The following RNF144A variants were observed in gnomAD, a reference collection of about 807,000 sequenced individuals.
RNF144A encodes E3 ubiquitin-protein ligase RNF144A.
RNF144A carries 11 observed loss-of-function variants against 38.7 expected under a neutral mutation model. The observed-to-expected ratio is 0.28, with a 90% CI of 0.18 to 0.47. RNF144A has a LOEUF of 0.47. Among genes scored for constraint, RNF144A ranks in the 20% least tolerant of loss-of-function variants. RNF144A has a pLI of 0.99. For synonymous variants in RNF144A, 149 were observed against 143.9 expected (o/e 1.04, Z -0.25); for missense variants, 316 against 377.2 (o/e 0.84, Z 1.34).
intron 2 of RNF144A, among the ~76,000 whole-genome samples, chr2:6,969,487 A>T (rs773891019): frequency 9.9e-5 from 15 of 152,142 alleles, no homozygotes; most frequent in Non-Finnish European, 1.9e-4. Context: ...CACCCTGCTC[A>T]TGCTCCTGCA....
chr2:7,001,033 C>G (rs961494778), intron 3 of RNF144A, among the ~76,000 whole-genome samples: 1 of 152,138 alleles, frequency 6.6e-6, no homozygotes, highest in African/African-American at 2.4e-5. Context: ...GGCACAGTGG[C>G]TCATGTCTGT....
At chr2:6,991,160 G>A (rs1324024218) in intron 2 of RNF144A, among the ~76,000 whole-genome samples, 1 of 152,196 alleles carries the variant, frequency 6.6e-6, no homozygotes, top group African/African-American at 2.4e-5. Context: ...AGGTTTTCAT[G>A]TGAACATAAG....
chr2:7,067,823 T>A (rs572204203), intron 6 of RNF144A, among the ~76,000 whole-genome samples: 19 of 152,210 alleles, frequency 1.2e-4, no homozygotes, highest in Non-Finnish European at 2.6e-4. Context: ...AGAACGCTGC[T>A]AAGTCAGTTT....
intron 3 of RNF144A, among the ~76,000 whole-genome samples, chr2:6,997,424 T>A (rs1483019868): frequency 1.3e-5 from 2 of 152,276 alleles, no homozygotes; most frequent in Non-Finnish European, 2.9e-5. Context: ...ATGGCAGTGC[T>A]AACCTAGTGA....
chr2:7,055,520 A>G (rs1427783904), intron 6 of RNF144A, among the ~76,000 whole-genome samples: 2 of 152,010 alleles, frequency 1.3e-5, no homozygotes, highest in African/African-American at 4.8e-5. Context: ...CACACATCTA[A>G]TCTTTCACTA....
At chr2:6,964,164 A>G (rs1363480714) in intron 2 of RNF144A, among the ~76,000 whole-genome samples, 1 of 152,224 alleles carries the variant, frequency 6.6e-6, no homozygotes, top group East Asian at 1.9e-4. Flanking sequence ...GAGCATGTTC[A>G]TGTCCTTTGC....
At chr2:6,920,036 A>G (rs1462392786) in intron 1 of RNF144A, among the ~76,000 whole-genome samples, 1 of 152,102 alleles carries the variant, frequency 6.6e-6, no homozygotes, top group Non-Finnish European at 1.5e-5. Flanking sequence ...GTGGTTTGGG[A>G]CTTTGAAGGG....
chr2:7,002,412 T>C (rs1373643106), intron 3 of RNF144A, among the ~76,000 whole-genome samples: 2 of 152,040 alleles, frequency 1.3e-5, no homozygotes, highest in African/African-American at 4.8e-5. Flanking sequence ...GGATAGTGGG[T>C]TACAGCACAG....
intron 6 of RNF144A, among the ~76,000 whole-genome samples, chr2:7,057,424 G>A (rs1427986979): frequency 6.6e-6 from 1 of 152,156 alleles, no homozygotes; most frequent in Non-Finnish European, 1.5e-5. Context: ...GAGTCCCTTG[G>A]CAAGGGTGTA....
chr2:6,976,283 A>C (rs575415716), intron 2 of RNF144A, among the ~76,000 whole-genome samples: 5 of 152,294 alleles, frequency 3.3e-5, no homozygotes, highest in African/African-American at 1.2e-4. Context: ...GAAATATTTG[A>C]ATTTTTGCCA....
downstream of RNF144A, among the ~76,000 whole-genome samples, chr2:7,048,985 C>A (rs558032269): frequency 6.6e-6 from 1 of 152,162 alleles, no homozygotes; most frequent in African/African-American, 2.4e-5. Flanking sequence ...TCCTCCCCAC[C>A]GGGGGCTCAG....
At chr2:6,938,281 C>G (rs11691284) in intron 1 of RNF144A, among the ~76,000 whole-genome samples, 36,751 of 124,950 alleles carry the variant, frequency 0.29, 5,151 homozygotes, top group Middle Eastern at 0.45. Context: ...GAGTTTCGCT[C>G]TTGTTGCCCA....
chr2:6,984,734 T>C (rs753254018), intron 2 of RNF144A, among the ~76,000 whole-genome samples: 2 of 152,252 alleles, frequency 1.3e-5, no homozygotes, highest in Non-Finnish European at 2.9e-5. Context: ...GAGTGCGTAA[T>C]TGTATTTATC....
chr2:6,994,570 G>C (rs1420125286), intron 2 of RNF144A, among the ~76,000 whole-genome samples: 1 of 152,022 alleles, frequency 6.6e-6, no homozygotes, highest in South Asian at 2.1e-4. Flanking sequence ...ATATGACCCT[G>C]GGGAGGACGC....
At chr2:7,057,458 A>G (rs1238796986) in intron 6 of RNF144A, among the ~76,000 whole-genome samples, 1 of 152,230 alleles carries the variant, frequency 6.6e-6, no homozygotes, top group Non-Finnish European at 1.5e-5. Flanking sequence ...GATGTTAGAC[A>G]GTCAGGAGAC....
At chr2:7,067,780 T>G (rs1558473815) in intron 6 of RNF144A, among the ~76,000 whole-genome samples, 1 of 152,232 alleles carries the variant, frequency 6.6e-6, no homozygotes. Context: ...TATGTCTACC[T>G]GTGTACTTCC....
chr2:6,996,679 A>G (rs1669761973), intron 2 of RNF144A: 7 of 468,236 alleles, frequency 1.5e-5, no homozygotes, highest in South Asian at 8.8e-5. Context: ...GCTTGAACCC[A>G]TGAGGCGGAG....
intron 3 of RNF144A, among the ~76,000 whole-genome samples, chr2:6,999,601 C>T (rs1669972567): frequency 6.6e-6 from 1 of 152,184 alleles, no homozygotes; most frequent in African/African-American, 2.4e-5. Flanking sequence ...AGTCAGGTGT[C>T]CTGGAGCTGA....
chr2:7,028,466 G>C (rs1672070300), intron 7 of RNF144A, among the ~76,000 whole-genome samples: 1 of 152,188 alleles, frequency 6.6e-6, no homozygotes, highest in Non-Finnish European at 1.5e-5. Flanking sequence ...AAGCTGTCCA[G>C]GTGGCTCGGA....
Sources: gnomAD v4.1 joint callset for allele counts (sites outside exome capture counted in the v4.1 genomes callset) on GRCh38, gnomAD v4.1.1 for gene constraint, MANE v1.5 for transcripts, NCBI Gene and HGNC (gene_info 2026-07-23, HGNC 2026-07-21) for gene names.